ARSG: variants seen among roughly 807,000 people sequenced by gnomAD.
ARSG encodes the protein ASG.
In ARSG, 37 loss-of-function variants were observed where a neutral mutation model predicts 50.5. The observed-to-expected ratio is 0.73, with a 90% CI of 0.56 to 0.96. The LOEUF (loss-of-function observed/expected upper bound fraction) is 0.96, where lower values mean the gene tolerates loss of function less well. Among genes scored for constraint, ARSG ranks in the 50% least tolerant of loss-of-function variants. The pLI, the probability that ARSG is intolerant of heterozygous loss-of-function variation, is 0.00. For synonymous variants in ARSG, 225 were observed against 254.6 expected, an observed-to-expected ratio of 0.88 and a Z score of 1.11; for missense variants, 629 against 675.3, an observed-to-expected ratio of 0.93 and a Z score of 0.76.
chr17:68,388,430 G>A lies in ARSG; in HGVS notation c.1091+3258G>A, dbSNP rs550189509. 7.9e-5 allele frequency among the ~76,000 whole-genome samples: 12 copies of A among 152,158 alleles called. No homozygotes were observed. The South Asian group carries it at 2.5e-3, about 32-fold the overall frequency. ...TTCCAGACAGTGCCAAATGTCCCCG[G>A]GGAGAATGAACTCACTCTGGCTGAG... On this transcript the variant is annotated intron_variant, in intron 9 of 11. Transcript: ENST00000621439.
At chr17:68,403,475 CAG>C (rs1458169017) in intron 11 of ARSG, among the ~76,000 whole-genome samples, 2 of 152,184 alleles carry the variant, frequency 1.3e-5, no homozygotes, top group Non-Finnish European at 2.9e-5. Context: ...TAGGATGAAA[CAG>C]GGGCATGTTC....
intron 2 of ARSG, among the ~76,000 whole-genome samples, chr17:68,310,853 C>T (rs2076825328): frequency 1.3e-5 from 2 of 152,210 alleles, no homozygotes; most frequent in Admixed American, 1.3e-4. Context: ...TCCAGTCCTT[C>T]AAAGACATTT....
chr17:68,353,345 C>T (rs905141055), intron 5 of ARSG, among the ~76,000 whole-genome samples: 3 of 152,074 alleles, frequency 2.0e-5, no homozygotes, highest in Non-Finnish European at 4.4e-5. Flanking sequence ...CTTTGCTACT[C>T]ATAGCATAGT....
At chr17:68,311,213 C>G (rs1241145481) in intron 2 of ARSG, among the ~76,000 whole-genome samples, 2 of 152,180 alleles carry the variant, frequency 1.3e-5, no homozygotes, top group African/African-American at 2.4e-5. Flanking sequence ...ACTCTTCTCT[C>G]TTGCAGTGGT....
rs76487275 is a variant in ARSG, at chr17:68,266,058, C to T, written c.-552+6632C>T. Among the ~76,000 whole-genome samples, 14 of 152,244 alleles carry T rather than the reference C, an allele frequency of 9.2e-5. No individual in the cohort carries two copies. The East Asian group carries it at 2.7e-3, about 29-fold the overall frequency. On this transcript the variant is annotated intron_variant, in intron 1 of 11. Transcript: ENST00000448504. ...GGTTGCAACAGTTCTTGGAATGACTCTGTAACTGGTTGTGGTCTTTAACTA... is the reference window on the plus strand; with the variant it reads ...GGTTGCAACAGTTCTTGGAATGACTTTGTAACTGGTTGTGGTCTTTAACTA...
chr17:68,377,117 C>T (rs1192140070), intron 8 of ARSG, among the ~76,000 whole-genome samples: 1 of 152,198 alleles, frequency 6.6e-6, no homozygotes, highest in Non-Finnish European at 1.5e-5. Flanking sequence ...CCTCCTCAGC[C>T]TCCCAAAGTG....
rs551168257 is a variant in ARSG, at chr17:68,374,171, A to G, written c.982+3647A>G. Among the ~76,000 whole-genome samples, 380 of 70,646 alleles carry G rather than the reference A, an allele frequency of 5.4e-3. 3 individuals are homozygous for G. The highest frequency in any genetic ancestry group is 8.3e-3 in the Non-Finnish European group (267 of 31,986). The allele number at this position is 70,646 out of a possible 152,430, so 46.3% of individuals were successfully genotyped here. A position where few individuals can be genotyped will look rare whatever the true frequency, so the allele number is the denominator to read the frequency against. ...GACTCTGTCTCCAAAAAAAAAAAAA[A>G]AAAAGAAACAAGAGCCTAGAGAAAT... is the stretch of plus-strand genomic sequence containing the variant. On this transcript the variant is annotated intron_variant, in intron 8 of 11. Coordinates refer to ENST00000621439, the MANE Select transcript of ARSG (RefSeq NM_001267727.2).
At chr17:68,290,716 C>A (rs782036648), upstream of ARSG, among the ~76,000 whole-genome samples, 2 of 152,228 alleles carry the variant, frequency 1.3e-5, no homozygotes, top group Non-Finnish European at 1.5e-5. Flanking sequence ...CAACTTCATG[C>A]GGAAAATCCG....
intron 1 of ARSG, among the ~76,000 whole-genome samples, chr17:68,276,929 C>T (rs142014379): frequency 7.9e-5 from 12 of 152,168 alleles, no homozygotes; most frequent in Non-Finnish European, 1.5e-4. Flanking sequence ...TTATTTTATG[C>T]GATTGGGTCT....
Position 68,326,660 on chromosome 17 carries a change from C to T in ARSG, c.219-16944C>T, listed in dbSNP as rs117212496. On this transcript the variant is annotated intron_variant, in intron 2 of 11. Coordinates refer to ENST00000621439, the MANE Select transcript of ARSG (RefSeq NM_001267727.2). ...AGCCTGGGTGACAAGAGCGAAACTC[C>T]GTCTAAAAAACAAACAAACAAAAAA... is the stretch of plus-strand genomic sequence containing the variant. Among the ~76,000 whole-genome samples, 44 of 152,240 alleles carry T rather than the reference C, an allele frequency of 2.9e-4. 1 individual carries two copies. In the East Asian group the frequency reaches 7.3e-3, roughly 25 times the overall value.
At chr17:68,275,978 G>A (rs113261167) in intron 1 of ARSG, among the ~76,000 whole-genome samples, 27,765 of 147,956 alleles carry the variant, frequency 0.19, 2,898 homozygotes, top group East Asian at 0.28. Flanking sequence ...GCGAGACTCC[G>A]TCTCAAAAAA....
chr17:68,387,659 T>C (rs190879243), intron 9 of ARSG, among the ~76,000 whole-genome samples: 1 of 152,292 alleles, frequency 6.6e-6, no homozygotes, highest in Non-Finnish European at 1.5e-5. Flanking sequence ...TGCTAATGCT[T>C]CATGTTGTTG....
intron 2 of ARSG, among the ~76,000 whole-genome samples, chr17:68,311,051 A>G (rs1427764610): frequency 2.0e-5 from 3 of 152,190 alleles, no homozygotes; most frequent in African/African-American, 7.2e-5. Context: ...TGCAAAAATT[A>G]GCCAGATGTG....
chr17:68,354,958 T>C (rs2078967426), intron 5 of ARSG, among the ~76,000 whole-genome samples: 1 of 152,112 alleles, frequency 6.6e-6, no homozygotes. Context: ...TGTGTGTGCA[T>C]GTAGGTGTGA....
At chr17:68,429,544 A>G in the ARSG span, among the ~76,000 whole-genome samples, 1 of 152,200 alleles carries the variant, frequency 6.6e-6, no homozygotes, top group African/African-American at 2.4e-5. Context: ...GAAGTCAGAT[A>G]GGAAAAGCAG....
chr17:68,287,769 A>G (rs937865549), upstream of ARSG, among the ~76,000 whole-genome samples: 5 of 152,142 alleles, frequency 3.3e-5, no homozygotes, highest in African/African-American at 7.2e-5. Flanking sequence ...TAAAGTAATA[A>G]CAGGATAACC....
At chr17:68,386,977 T>C (rs932468378) in intron 9 of ARSG, among the ~76,000 whole-genome samples, 1 of 151,838 alleles carries the variant, frequency 6.6e-6, no homozygotes, top group African/African-American at 2.4e-5. Context: ...CGGTACCTCC[T>C]AGGAGATACA....
At chr17:68,353,533 A>AAAAACC (rs1164999834) in intron 5 of ARSG, among the ~76,000 whole-genome samples, 1 of 152,140 alleles carries the variant, frequency 6.6e-6, no homozygotes, top group Non-Finnish European at 1.5e-5. Flanking sequence ...AAACAAAAAC[A>AAAAACC]AAAACCAGCC....
the ARSG span, among the ~76,000 whole-genome samples, chr17:68,439,533 C>T: frequency 1.3e-5 from 2 of 152,094 alleles, no homozygotes; most frequent in Non-Finnish European, 2.9e-5. Flanking sequence ...TGAAAATGCT[C>T]TAAAATTAAT....
Sources: allele counts gnomAD v4.1 joint callset (sites outside exome capture counted in the v4.1 genomes callset), GRCh38; gene constraint gnomAD v4.1.1; transcripts MANE v1.5; gene names NCBI Gene and HGNC (gene_info 2026-07-23, HGNC 2026-07-21).